Variants in SYN2 observed in about 807,000 individuals in gnomAD.
SYN2 encodes synapsin II.
A neutral mutation model predicts 50.9 loss-of-function variants in SYN2; 19 were observed. The ratio of observed to expected loss-of-function variants is 0.37; its 90% CI spans 0.26 to 0.55. The LOEUF (loss-of-function observed/expected upper bound fraction) is 0.55, where lower values mean the gene tolerates loss of function less well. SYN2 is among the 20% of genes least tolerant of loss of function. The pLI is 0.81. For missense variants in SYN2, 587 were observed against 576.4 expected (o/e 1.02, Z -0.19); for synonymous variants, 255 against 224.9 (o/e 1.13, Z -1.20).
At chr3:12,043,276 A>G (rs1371817187) in intron 1 of SYN2, among the ~76,000 whole-genome samples, 1 of 152,116 alleles carries the variant, frequency 6.6e-6, no homozygotes, top group Non-Finnish European at 1.5e-5. Flanking sequence ...CTCCTGGAAA[A>G]CAAACCTCTC....
intron 1 of SYN2, among the ~76,000 whole-genome samples, chr3:12,099,697 GC>G (rs1236498546): frequency 6.6e-6 from 1 of 152,084 alleles, no homozygotes; most frequent in African/African-American, 2.4e-5. Context: ...GGGCGCAATG[GC>G]TCACGCCTGT....
chr3:12,100,375 A>C (rs1235565908), intron 1 of SYN2, among the ~76,000 whole-genome samples: 1 of 152,206 alleles, frequency 6.6e-6, no homozygotes, highest in Non-Finnish European at 1.5e-5. Context: ...GTGCCAAAAT[A>C]ATTCGATGAA....
At chr3:12,050,706 C>CT (rs1694838106) in intron 1 of SYN2, among the ~76,000 whole-genome samples, 1 of 90,486 alleles carries the variant, frequency 1.1e-5, no homozygotes, top group Non-Finnish European at 2.4e-5. Context: ...TCTTTCTTCT[C>CT]TTCTCTTTTT....
rs570312197 is a variant in SYN2 at position 12,167,279 on chromosome 3, G to A, written c.1026G>A (p.Ala342=). 28 of 1,612,912 alleles carry A rather than the reference G, an allele frequency of 1.7e-5. No homozygotes were observed. The South Asian group carries it at 2.0e-4, about 11-fold the overall frequency. The part of the protein sequence containing the change: ...SGNWKTNTGS[A]MLEQIAMSDR... ...ACTGGAAGACGAACACTGGCTCTGC[G>A]ATGCTGGAGCAGATTGCCATGTCAG... Residue 342 remains alanine, a synonymous_variant, in exon 8 of 13, where the codon GCG becomes GCA. Coordinates refer to ENST00000621198, the MANE Select transcript of SYN2 (RefSeq NM_133625.6).
At chr3:12,151,134 G>A (rs951274724) in intron 4 of SYN2, 103 bp from the exon 5 acceptor site, 1 of 796,956 alleles carries the variant, frequency 1.3e-6, no homozygotes, top group African/African-American at 1.7e-5. Flanking sequence ...TTAGCATAAA[G>A]TCCTCCACAG....
At chr3:12,139,023 C>G (rs769077556) in intron 1 of SYN2, among the ~76,000 whole-genome samples, 1 of 152,138 alleles carries the variant, frequency 6.6e-6, no homozygotes, top group South Asian at 2.1e-4. Context: ...GAGGGGCTCG[C>G]TGAGCTGTGA....
At chr3:12,129,090 GAATAA>G (rs1379426769) in intron 1 of SYN2, among the ~76,000 whole-genome samples, 1 of 151,934 alleles carries the variant, frequency 6.6e-6, no homozygotes, top group Non-Finnish European at 1.5e-5. Flanking sequence ...ATAGAAATAA[GAATAA>G]AATGAATAAT....
chr3:12,069,911 A>G (rs1157485704), intron 1 of SYN2, among the ~76,000 whole-genome samples: 5 of 150,848 alleles, frequency 3.3e-5, no homozygotes, highest in South Asian at 2.1e-4. Flanking sequence ...GGCTCAGTCA[A>G]TCCTCCCACC....
At chr3:12,031,871 T>C (rs1694389207) in intron 1 of SYN2, among the ~76,000 whole-genome samples, 1 of 104,970 alleles carries the variant, frequency 9.5e-6, no homozygotes, top group Admixed American at 1.1e-4. Flanking sequence ...GAGAATTTAG[T>C]CCATTTACAT....
At chr3:12,044,720 A>T (rs1694698644) in intron 1 of SYN2, among the ~76,000 whole-genome samples, 1 of 152,184 alleles carries the variant, frequency 6.6e-6, no homozygotes, top group Admixed American at 6.5e-5. Context: ...TGTGAACTAT[A>T]GTACATTCTT....
At chr3:12,148,581 G>A (rs1466590814) in intron 4 of SYN2, 1 of 152,208 alleles carries the variant, frequency 6.6e-6, no homozygotes, top group Non-Finnish European at 1.5e-5. Context: ...AGTTGGTCAG[G>A]GCAAGCCACT....
At chr3:12,076,648 G>A (rs938141161) in intron 1 of SYN2, among the ~76,000 whole-genome samples, 4 of 151,956 alleles carry the variant, frequency 2.6e-5, no homozygotes, top group South Asian at 2.1e-4. Context: ...TGTTTTACCC[G>A]TTTTAATTTA....
At chr3:12,128,165 G>A (rs890429994) in intron 1 of SYN2, among the ~76,000 whole-genome samples, 1 of 151,958 alleles carries the variant, frequency 6.6e-6, no homozygotes, top group Admixed American at 6.6e-5. Context: ...GGCTGGTTTC[G>A]AACTCCTGGA....
chr3:12,039,158 C>T (rs372811672), intron 1 of SYN2, among the ~76,000 whole-genome samples: 1 of 151,948 alleles, frequency 6.6e-6, no homozygotes, highest in African/African-American at 2.4e-5. Flanking sequence ...TCTATTGATA[C>T]GATTATTTAG....
Position 12,102,798 on chromosome 3 carries a change from T to G in SYN2, c.378-37853T>G, listed in dbSNP as rs185949997. ...AACTCAGATGGCTTTATGCTTAGTT[T>G]TTTGTTAAACCACAGAGATTTAAAA... is the stretch of plus-strand genomic sequence containing the variant. On this transcript the variant is annotated intron_variant, in intron 1 of 12. Transcript: ENST00000621198. Among the ~76,000 whole-genome samples the G allele has an allele frequency of 4.6e-5, 7 of 152,276 alleles. No homozygotes were observed. The East Asian group carries it at 1.4e-3, about 29-fold the overall frequency.
At chr3:12,021,199 A>G (rs1221215286) in intron 1 of SYN2, among the ~76,000 whole-genome samples, 1 of 152,222 alleles carries the variant, frequency 6.6e-6, no homozygotes, top group Admixed American at 6.5e-5. Context: ...ATGACATAGT[A>G]CAACCATAGG....
intron 11 of SYN2, chr3:12,184,816 G>C (rs1015113883): frequency 1.3e-5 from 13 of 985,704 alleles, no homozygotes; most frequent in South Asian, 9.4e-5. Context: ...GGCTGGGAAC[G>C]GGCACCAAGC....
At chr3:12,023,847 T>C (rs1427505062) in intron 1 of SYN2, among the ~76,000 whole-genome samples, 1 of 152,068 alleles carries the variant, frequency 6.6e-6, no homozygotes, top group Non-Finnish European at 1.5e-5. Flanking sequence ...GTACTGGATG[T>C]TTGAACTAGA....
At chr3:12,073,998 T>C (rs1457306948) in intron 1 of SYN2, among the ~76,000 whole-genome samples, 1 of 152,204 alleles carries the variant, frequency 6.6e-6, no homozygotes, top group Non-Finnish European at 1.5e-5. Context: ...CTGTCAACTT[T>C]TGCTTCATAT....
Sources: gnomAD v4.1 joint callset for allele counts (sites outside exome capture counted in the v4.1 genomes callset) on GRCh38, gnomAD v4.1.1 for gene constraint, MANE v1.5 for transcripts, NCBI Gene and HGNC (gene_info 2026-07-23, HGNC 2026-07-21) for gene names.